The following TASP1 variants were observed in gnomAD, a reference collection of about 807,000 sequenced individuals.
TASP1 encodes the protein taspase 1, also known as threonine aspartase 1.
In TASP1, 16 loss-of-function variants were observed where a neutral mutation model predicts 56.6. The observed-to-expected ratio is 0.28, with a 90% CI of 0.19 to 0.43. The LOEUF (loss-of-function observed/expected upper bound fraction) is 0.43, where lower values mean the gene tolerates loss of function less well. TASP1 is among the 20% of genes least tolerant of loss of function. TASP1 has a pLI of 1.00. For synonymous variants in TASP1, 179 were observed against 184.2 expected (o/e 0.97, Z 0.23); for missense variants, 393 against 511.6 (o/e 0.77, Z 2.24).
rs75928643 is a variant in TASP1 at position 13,471,191 on chromosome 20, G to A, written c.985+12036C>T. On this transcript the variant is annotated intron_variant, in intron 11 of 13. Coordinates refer to ENST00000337743, the MANE Select transcript of TASP1 (RefSeq NM_017714.3). ...GGAAAAGGAGTAAAATTTTAGGTAG[G>A]GTGGACAGGGAAAGCTTCTTTGAGA... is the stretch of plus-strand genomic sequence containing the variant. 4.5e-3 allele frequency among the ~76,000 whole-genome samples: 689 copies of A among 152,210 alleles called. 4 individuals are homozygous for A. Among genetic ancestry groups the A allele is most frequent in the African/African-American group, 0.015 (616 of 41,538 alleles).
intron 13 of TASP1, among the ~76,000 whole-genome samples, chr20:13,401,128 C>T (rs559401210): frequency 1.3e-5 from 2 of 152,258 alleles, no homozygotes; most frequent in Admixed American, 1.3e-4. Flanking sequence ...AAGTGGGTCC[C>T]AGTGTTGCCA....
intron 2 of TASP1, among the ~76,000 whole-genome samples, chr20:13,627,606 C>G (rs565836831): frequency 6.6e-6 from 1 of 151,970 alleles, no homozygotes; most frequent in African/African-American, 2.4e-5. Context: ...CAAAAATTAG[C>G]CGGGCATGGT....
chr20:13,537,852 T>C (rs1266855930), intron 8 of TASP1, among the ~76,000 whole-genome samples: 1 of 152,188 alleles, frequency 6.6e-6, no homozygotes, highest in African/African-American at 2.4e-5. Flanking sequence ...GAGATGGTTA[T>C]TATATAGTTA....
At chr20:13,346,142 AAAGATACAAAGTCTCCTGG>A in the TASP1 span, among the ~76,000 whole-genome samples, 1,731 of 152,134 alleles carry the variant, frequency 0.011, 37 homozygotes, top group African/African-American at 0.037. Context: ...GTGAAGGAAA[AAAGATACAAAGTCTCCTGG>A]AACAACTGAG....
chr20:13,398,085 AAGAAAT>A, intron 13 of TASP1, among the ~76,000 whole-genome samples: 1 of 152,214 alleles, frequency 6.6e-6, no homozygotes, highest in Non-Finnish European at 1.5e-5. Context: ...TCTATTTGAA[AAGAAAT>A]GAAAGGCTAA....
At chr20:13,425,120 G>C (rs981968040) in intron 12 of TASP1, among the ~76,000 whole-genome samples, 2 of 152,114 alleles carry the variant, frequency 1.3e-5, no homozygotes, top group Admixed American at 1.3e-4. Context: ...TAAGAATTTG[G>C]AACAAGTAAA....
At chr20:13,213,047 G>T in the TASP1 span, among the ~76,000 whole-genome samples, 1 of 152,142 alleles carries the variant, frequency 6.6e-6, no homozygotes, top group African/African-American at 2.4e-5. Flanking sequence ...CATCTTAGAG[G>T]TGTCAGTTTG....
At chr20:13,377,123 T>A in the TASP1 span, among the ~76,000 whole-genome samples, 1 of 152,028 alleles carries the variant, frequency 6.6e-6, no homozygotes, top group Non-Finnish European at 1.5e-5. Flanking sequence ...TGAAAAGGAG[T>A]GGTGAGAGCG....
At chr20:13,366,792 T>C in the TASP1 span, among the ~76,000 whole-genome samples, 4 of 152,198 alleles carry the variant, frequency 2.6e-5, no homozygotes, top group Non-Finnish European at 5.9e-5. Context: ...TATAGTTGCA[T>C]ACCAAAAAGC....
chr20:13,504,366 C>A (rs578203797), intron 10 of TASP1, among the ~76,000 whole-genome samples: 36 of 151,830 alleles, frequency 2.4e-4, no homozygotes, highest in Admixed American at 1.6e-3. Flanking sequence ...TTTTACCTGG[C>A]AAAGCTGTCC....
At chr20:13,252,411 A>G in the TASP1 span, among the ~76,000 whole-genome samples, 1 of 152,152 alleles carries the variant, frequency 6.6e-6, no homozygotes, top group Non-Finnish European at 1.5e-5. Context: ...TGATGGGTTC[A>G]TCGTGGGGAG....
At chr20:13,277,988 G>T in the TASP1 span, among the ~76,000 whole-genome samples, 1 of 152,172 alleles carries the variant, frequency 6.6e-6, no homozygotes. Flanking sequence ...GCACGCCCTG[G>T]TGCAATTTGG....
chr20:13,492,596 C>A (rs1029572641), intron 10 of TASP1, among the ~76,000 whole-genome samples: 2 of 152,144 alleles, frequency 1.3e-5, no homozygotes, highest in Non-Finnish European at 2.9e-5. Context: ...ACATAAGGAG[C>A]TTCATAAAGA....
intron 11 of TASP1, among the ~76,000 whole-genome samples, chr20:13,459,141 G>C (rs1366434728): frequency 6.6e-6 from 1 of 152,108 alleles, no homozygotes; most frequent in Non-Finnish European, 1.5e-5. Flanking sequence ...ATGGTGCATG[G>C]AGACTATCCT....
intron 5 of TASP1, among the ~76,000 whole-genome samples, chr20:13,584,520 A>G (rs543902038): frequency 8.4e-6 from 1 of 119,592 alleles, no homozygotes; most frequent in African/African-American, 3.4e-5. Flanking sequence ...AGAAACTAAA[A>G]TTAAAACTAA....
intron 11 of TASP1, among the ~76,000 whole-genome samples, chr20:13,451,261 A>T (rs183880590): frequency 6.6e-6 from 1 of 152,204 alleles, no homozygotes; most frequent in African/African-American, 2.4e-5. Flanking sequence ...AATGATAAAT[A>T]AGCATTGGCT....
the TASP1 span, among the ~76,000 whole-genome samples, chr20:13,170,674 A>T: frequency 6.6e-6 from 1 of 152,216 alleles, no homozygotes; most frequent in East Asian, 1.9e-4. Context: ...TGAAGGGGCT[A>T]GTGGTTTTGG....
intron 11 of TASP1, among the ~76,000 whole-genome samples, chr20:13,448,432 C>T (rs1160724593): frequency 6.6e-6 from 1 of 151,970 alleles, no homozygotes; most frequent in Non-Finnish European, 1.5e-5. Flanking sequence ...TTGACAAATA[C>T]TCTTGCCTTG....
the TASP1 span, among the ~76,000 whole-genome samples, chr20:13,370,826 T>G: frequency 2.0e-5 from 3 of 152,176 alleles, no homozygotes; most frequent in South Asian, 6.2e-4. Context: ...ATTTTTTGAT[T>G]ACTACTTTAA....
Sources: gnomAD v4.1 joint callset for allele counts (sites outside exome capture counted in the v4.1 genomes callset) on GRCh38, gnomAD v4.1.1 for gene constraint, MANE v1.5 for transcripts, NCBI Gene and HGNC (gene_info 2026-07-23, HGNC 2026-07-21) for gene names.